The following LOXL2 variants were observed in gnomAD, a reference collection of about 807,000 sequenced individuals.
LOXL2 encodes the protein lysyl oxidase like 2.
In LOXL2, 70 loss-of-function variants were observed where a neutral mutation model predicts 93.0. The ratio of observed to expected loss-of-function variants is 0.75; its 90% CI spans 0.62 to 0.92. The LOEUF (loss-of-function observed/expected upper bound fraction) is 0.92, where lower values mean the gene tolerates loss of function less well. LOXL2 is among the 40% of genes least tolerant of loss of function. LOXL2 has a pLI of 0.00. For missense variants in LOXL2, 973 were observed against 1,054.9 expected, an observed-to-expected ratio of 0.92 and a Z score of 1.08; for synonymous variants, 438 against 413.2, an observed-to-expected ratio of 1.06 and a Z score of -0.73.
At position 23,299,469 on chromosome 8, in the gene LOXL2, G is replaced by A. The variant is rs557057952; in HGVS notation, c.2134-522C>T. On this transcript the variant is annotated intron_variant, in intron 12 of 13. Transcript: ENST00000389131. The stretch of plus-strand genomic sequence containing the variant: ...CATGTCCCTGTCTGCTCTGCTGGCC[G>A]AGGGCCTGGCTCTGGGGCTGCTGGA... Among the ~76,000 whole-genome samples the A allele has an allele frequency of 4.8e-4, 73 of 152,276 alleles. 1 individual carries two copies. The highest frequency in any genetic ancestry group is 2.7e-3 in the South Asian group (13 of 4,830).
chr8:23,392,877 A>C (rs930883957), intron 1 of LOXL2, among the ~76,000 whole-genome samples: 8 of 152,240 alleles, frequency 5.3e-5, no homozygotes, highest in Non-Finnish European at 1.0e-4. Context: ...TACAGGATAC[A>C]ATATCAACAT....
intron 1 of LOXL2, among the ~76,000 whole-genome samples, chr8:23,380,584 G>T (rs183571353): frequency 6.6e-6 from 1 of 152,176 alleles, no homozygotes; most frequent in East Asian, 1.9e-4. Flanking sequence ...CTGGGGGATT[G>T]TAACATATTA....
chr8:23,308,990 A>ATT (rs67587130), intron 10 of LOXL2, among the ~76,000 whole-genome samples: 265 of 136,702 alleles, frequency 1.9e-3, no homozygotes, highest in South Asian at 0.011. Flanking sequence ...ATATATATAT[A>ATT]TTTTTTTTTT....
At chr8:23,365,892 T>C (rs1804392110) in intron 2 of LOXL2, 1 of 152,314 alleles carries the variant, frequency 6.6e-6, no homozygotes, top group South Asian at 2.1e-4. Context: ...CAACCCTCCT[T>C]ACCCAGCACA....
At chr8:23,338,545 T>C (rs1803833097) in intron 4 of LOXL2, among the ~76,000 whole-genome samples, 1 of 152,032 alleles carries the variant, frequency 6.6e-6, no homozygotes, top group African/African-American at 2.4e-5. Context: ...GGAATTACTT[T>C]GAAAATAATT....
chr8:23,393,441 T>C lies in LOXL2; in HGVS notation c.-84+10513A>G, dbSNP rs77698503. On this transcript the variant is annotated intron_variant, in intron 1 of 13. Coordinates refer to ENST00000389131, the MANE Select transcript of LOXL2 (RefSeq NM_002318.3). ...TGGTTTGGACAAGGTCCCAAGACCA[T>C]TCAATGGGGAAAGAATTGTCTTCAA... Among the ~76,000 whole-genome samples the C allele has an allele frequency of 1.1e-3, 165 of 152,304 alleles. 1 individual carries two copies. The East Asian group carries it at 0.017, about 15-fold the overall frequency.
At chr8:23,375,851 G>A (rs1435015390) in intron 1 of LOXL2, among the ~76,000 whole-genome samples, 1 of 152,086 alleles carries the variant, frequency 6.6e-6, no homozygotes, top group Non-Finnish European at 1.5e-5. Context: ...GAGACGATGG[G>A]GTTTTCTAAA....
At chr8:23,384,229 A>T (rs1007458025) in intron 1 of LOXL2, among the ~76,000 whole-genome samples, 2 of 152,204 alleles carry the variant, frequency 1.3e-5, no homozygotes, top group East Asian at 3.9e-4. Context: ...ATAAGGTTGG[A>T]CCAAGGAGGT....
chr8:23,400,578 T>C (rs1004403284), intron 1 of LOXL2, among the ~76,000 whole-genome samples: 1 of 152,188 alleles, frequency 6.6e-6, no homozygotes, highest in Non-Finnish European at 1.5e-5. Flanking sequence ...AAATGCAGAA[T>C]AAAGTCATGC....
At chr8:23,367,797 CCCT>C (rs1804428657) in intron 2 of LOXL2, among the ~76,000 whole-genome samples, 197 bp downstream of exon 2, 1 of 151,800 alleles carries the variant, frequency 6.6e-6, no homozygotes, top group Admixed American at 6.6e-5. Context: ...CTTACTGTGC[CCCT>C]CCTCAAGCCC....
chr8:23,373,437 G>A (rs115901488), intron 1 of LOXL2, among the ~76,000 whole-genome samples: 364 of 152,256 alleles, frequency 2.4e-3, no homozygotes, highest in African/African-American at 8.1e-3. Flanking sequence ...TTGAGCCCAA[G>A]AGATCCTCCT....
At chr8:23,358,472 G>A (rs1426144745) in intron 3 of LOXL2, among the ~76,000 whole-genome samples, 19 of 152,238 alleles carry the variant, frequency 1.2e-4, no homozygotes, top group Admixed American at 1.2e-3. Context: ...TTCTGCATTA[G>A]TGCTGGGTTC....
chr8:23,305,625 C>T (rs1803218074), intron 10 of LOXL2, among the ~76,000 whole-genome samples: 1 of 151,716 alleles, frequency 6.6e-6, no homozygotes, highest in Non-Finnish European at 1.5e-5. Context: ...GCAGGCTGAG[C>T]TGTCGTGACC....
chr8:23,318,184 A>C (rs930947145), intron 8 of LOXL2, among the ~76,000 whole-genome samples: 2 of 77,970 alleles, frequency 2.6e-5, no homozygotes, highest in African/African-American at 3.9e-5. Context: ...TAAAAAAAAA[A>C]AAAACCCAAA....
chr8:23,387,068 G>A (rs1311031857), intron 1 of LOXL2, among the ~76,000 whole-genome samples: 1 of 152,204 alleles, frequency 6.6e-6, no homozygotes, highest in Non-Finnish European at 1.5e-5. Flanking sequence ...AAGGGACAAG[G>A]CAAGGTGCCG....
Position 23,360,105 on chromosome 8 carries a change from C to A in LOXL2, c.516G>T (p.Leu172Phe), listed in dbSNP as rs1417489343. Residue 172 changes from leucine (L) to phenylalanine (F), a missense_variant, in exon 3 of 14, where the codon TTG becomes TTT. Coordinates refer to ENST00000389131, the MANE Select transcript of LOXL2 (RefSeq NM_002318.3). Reference sequence around the variant, plus strand: ...CATGACTTGCCTCTATCTGGTTGATCAACGAATTGTCAAATTTGAACCCAG... The same window carrying A: ...CATGACTTGCCTCTATCTGGTTGATAAACGAATTGTCAAATTTGAACCCAG... The part of the protein sequence containing the change: ...RIPGFKFDNS[L>F]INQIENLNIQ... The A allele has an allele frequency of 6.9e-6, 11 of 1,604,224 alleles. No homozygotes were observed. The African/African-American group carries it at 1.5e-4, about 21-fold the overall frequency.
intron 4 of LOXL2, 24 bp from the exon 5 acceptor site, chr8:23,333,647 G>A (rs1327812354): frequency 8.8e-6 from 14 of 1,590,994 alleles, no homozygotes; most frequent in Non-Finnish European, 1.2e-5. Flanking sequence ...GAGGGGACAG[G>A]GGACCAGGGC....
intron 4 of LOXL2, among the ~76,000 whole-genome samples, chr8:23,334,590 G>A (rs1563193617): frequency 6.6e-6 from 1 of 152,038 alleles, no homozygotes; most frequent in Non-Finnish European, 1.5e-5. Context: ...ATATCCTAAG[G>A]AAGCCCTTAG....
intron 3 of LOXL2, among the ~76,000 whole-genome samples, chr8:23,359,791 C>T (rs776345987): frequency 1.4e-4 from 22 of 152,210 alleles, no homozygotes; most frequent in Non-Finnish European, 2.6e-4. Flanking sequence ...TTTCCAGCTT[C>T]AGTTAACCCT....
Sources: allele counts gnomAD v4.1 joint callset (sites outside exome capture counted in the v4.1 genomes callset), GRCh38; gene constraint gnomAD v4.1.1; transcripts MANE v1.5; gene names NCBI Gene and HGNC (gene_info 2026-07-23, HGNC 2026-07-21).